SNX18: variants seen among roughly 807,000 people sequenced by gnomAD.
SNX18 encodes sorting nexin 18.
SNX18 carries 35 observed loss-of-function variants against 48.7 expected under a neutral mutation model. The ratio of observed to expected loss-of-function variants is 0.72; its 90% confidence interval spans 0.55 to 0.95. The LOEUF is 0.95. Among genes scored for constraint, SNX18 ranks in the 40% least tolerant of loss-of-function variants. The pLI, the probability that SNX18 is intolerant of heterozygous loss-of-function variation, is 0.00. For synonymous variants in SNX18, 492 were observed against 384.7 expected (o/e 1.28, Z -3.26); for missense variants, 824 against 871.0 (o/e 0.95, Z 0.68).
rs1444122384 is a variant in SNX18, at chr5:54,518,985, G to C, written c.1033G>C (p.Glu345Gln). 1 of 1,613,488 alleles carries C rather than the reference G, an allele frequency of 6.2e-7. No individual in the cohort carries two copies. Among genetic ancestry groups the C allele is most frequent in the African/African-American group, 1.3e-5 (1 of 74,920 alleles). Residue 345 changes from glutamate (E) to glutamine (Q), a missense_variant, in exon 1 of 2, where the codon GAG (glutamate) becomes CAG (glutamine). Physicochemically the swap from Glu to Gln is conservative, Grantham distance 29. Transcript: ENST00000381410. ...CGAGAAGCAGGCCACCGGCCGCTTC[G>C]AGGAGGACTTCATCTCTAAGCGCAG... Reference protein sequence around the residue: ...LPEKQATGRFEEDFISKRRKG... With the variant: ...LPEKQATGRFQEDFISKRRKG...
At chr5:54,561,504 A>ATTTTTTTTTT in the SNX18 span, among the ~76,000 whole-genome samples, 7 of 133,008 alleles carry the variant, frequency 5.3e-5, no homozygotes, top group African/African-American at 1.7e-4. Context: ...CGCCCAGCTA[A>ATTTTTTTTTT]TTTTTTTTTT....
the SNX18 span, among the ~76,000 whole-genome samples, chr5:54,574,171 C>T: frequency 1.3e-5 from 2 of 152,224 alleles, no homozygotes; most frequent in Admixed American, 6.5e-5. Flanking sequence ...ACTACTTGCA[C>T]ACCTGATGGT....
rs374307492 is a variant in SNX18, at chr5:54,519,422, C to T, written c.1470C>T (p.Asn490=). 5.6e-6 allele frequency: 9 copies of T among 1,612,232 alleles called. No homozygotes were observed. Among genetic ancestry groups the T allele is most frequent in the Non-Finnish European group, 5.9e-6 (7 of 1,179,478 alleles). ...AGCAGGCCTTCTCGGTGGGCCTGAACCAGGCTATCGCCTTCACCGGAGATG... is the reference window on the plus strand; with the variant it reads ...AGCAGGCCTTCTCGGTGGGCCTGAATCAGGCTATCGCCTTCACCGGAGATG... ...LDQQAFSVGL[N]QAIAFTGDAY... is the part of the protein sequence containing the mutation. Residue 490 remains asparagine, a synonymous_variant, in exon 1 of 2, where the codon AAC becomes AAT. Coordinates refer to ENST00000381410, the MANE Select transcript of SNX18 (RefSeq NM_001102575.2).
chr5:54,597,448 C>T, the SNX18 span, among the ~76,000 whole-genome samples: 142 of 152,256 alleles, frequency 9.3e-4, 4 homozygotes, highest in South Asian at 0.029. Flanking sequence ...ATACATTCTT[C>T]TTGGTACCAC....
Position 54,545,302 on chromosome 5 carries a change from T to A in SNX18, c.*1870T>A, listed in dbSNP as rs1762557190. ...GTTAATTTTGCGGAAGTCTGGAAAT[T>A]ATAACTATAGCATTTAAGTTTGAGT... On this transcript the variant is annotated 3_prime_UTR_variant, in exon 2 of 2. Coordinates refer to ENST00000381410, the MANE Select transcript of SNX18 (RefSeq NM_001102575.2). 1 of 152,180 alleles carries A rather than the reference T, an allele frequency of 6.6e-6. No individual in the cohort carries two copies. The highest frequency in any genetic ancestry group is 2.4e-5 in the African/African-American group (1 of 41,448). 9.4% of individuals were successfully genotyped at this position (152,180 alleles called of 1,614,324 possible). A position where few individuals can be genotyped will look rare whatever the true frequency, so the allele number is the denominator to read the frequency against.
the SNX18 span, chr5:54,645,959 G>C: frequency 6.6e-6 from 1 of 152,098 alleles, no homozygotes; most frequent in African/African-American, 2.4e-5. Context: ...ATATTCCTCA[G>C]TTTTCTGTAT....
the SNX18 span, among the ~76,000 whole-genome samples, chr5:54,559,190 C>G: frequency 6.6e-6 from 1 of 152,258 alleles, no homozygotes; most frequent in South Asian, 2.1e-4. Flanking sequence ...ATTAAACTAT[C>G]AATGACATTC....
At chr5:54,587,462 G>A in the SNX18 span, among the ~76,000 whole-genome samples, 3 of 152,088 alleles carry the variant, frequency 2.0e-5, no homozygotes, top group African/African-American at 7.2e-5. Flanking sequence ...ATAAAGGACT[G>A]TGCTCCAAAG....
intron 1 of SNX18, among the ~76,000 whole-genome samples, chr5:54,536,552 C>A (rs533306558): frequency 1.3e-5 from 2 of 152,118 alleles, no homozygotes; most frequent in African/African-American, 4.8e-5. Context: ...CTACAAAGGA[C>A]GTGAACTCAT....
chr5:54,613,720 C>G, the SNX18 span, among the ~76,000 whole-genome samples: 1 of 152,074 alleles, frequency 6.6e-6, no homozygotes, highest in Non-Finnish European at 1.5e-5. Flanking sequence ...TTTTTTGAGA[C>G]GGAGTTTTGC....
the SNX18 span, among the ~76,000 whole-genome samples, chr5:54,646,430 C>T: frequency 6.6e-6 from 1 of 152,258 alleles, no homozygotes; most frequent in Non-Finnish European, 1.5e-5. Context: ...ACTTCTCTAG[C>T]CAGTGCCTGG....
chr5:54,549,264 A>G (rs777406212), downstream of SNX18, among the ~76,000 whole-genome samples: 2 of 152,202 alleles, frequency 1.3e-5, no homozygotes, highest in Non-Finnish European at 2.9e-5. Context: ...GAGCTGCAGT[A>G]TTTAAATAAT....
At chr5:54,619,554 T>C in the SNX18 span, among the ~76,000 whole-genome samples, 1 of 152,154 alleles carries the variant, frequency 6.6e-6, no homozygotes, top group Admixed American at 6.6e-5. Context: ...ATTTGACGTG[T>C]ACTTTATGCG....
the SNX18 span, among the ~76,000 whole-genome samples, chr5:54,585,108 A>T: frequency 2.1e-4 from 32 of 151,988 alleles, no homozygotes; most frequent in Non-Finnish European, 3.8e-4. Context: ...CCAGGGCAAC[A>T]TAGCAAGATC....
At chr5:54,572,105 C>G in the SNX18 span, among the ~76,000 whole-genome samples, 1,234 of 152,238 alleles carry the variant, frequency 8.1e-3, 10 homozygotes, top group Middle Eastern at 0.034. Context: ...ATGGTGCCAG[C>G]CTCCTTTTCA....
the SNX18 span, among the ~76,000 whole-genome samples, chr5:54,576,942 C>CG: frequency 1.3e-5 from 2 of 152,104 alleles, no homozygotes; most frequent in Admixed American, 6.5e-5. Flanking sequence ...GCTGGGATTA[C>CG]GGGCGCCCAC....
chr5:54,619,913 C>T, the SNX18 span, among the ~76,000 whole-genome samples: 1 of 152,094 alleles, frequency 6.6e-6, no homozygotes, highest in Non-Finnish European at 1.5e-5. Context: ...GTCAATTATG[C>T]ATTCATCTGG....
the SNX18 span, among the ~76,000 whole-genome samples, chr5:54,558,262 G>C: frequency 6.6e-6 from 1 of 152,092 alleles, no homozygotes. Flanking sequence ...AATGACTCAA[G>C]GGCACAATTA....
the SNX18 span, among the ~76,000 whole-genome samples, chr5:54,555,653 C>G: frequency 4.6e-5 from 7 of 152,032 alleles, no homozygotes; most frequent in African/African-American, 1.4e-4. Context: ...CAGTGAAACC[C>G]TGTTTCTACC....
Sources: gnomAD v4.1 joint callset for allele counts (sites outside exome capture counted in the v4.1 genomes callset) on GRCh38, gnomAD v4.1.1 for gene constraint, MANE v1.5 for transcripts, NCBI Gene and HGNC (gene_info 2026-07-23, HGNC 2026-07-21) for gene names.